The following PAWR variants were observed in gnomAD, a reference collection of about 807,000 sequenced individuals.
PAWR encodes the protein pro-apoptotic WT1 regulator.
In PAWR, 23 loss-of-function variants were observed where a neutral mutation model predicts 32.0. The observed-to-expected ratio is 0.72, with a 90% CI of 0.52 to 1.02. The LOEUF is 1.02. Among genes scored for constraint, PAWR ranks in the 50% least tolerant of loss-of-function variants. The pLI is 0.00. For synonymous variants in PAWR, 226 were observed against 187.1 expected (o/e 1.21, Z -1.70); for missense variants, 457 against 437.7 (o/e 1.04, Z -0.39).
chr12:79,631,953 T>C (rs1271488838), intron 2 of PAWR, among the ~76,000 whole-genome samples: 3 of 151,634 alleles, frequency 2.0e-5, no homozygotes, highest in East Asian at 1.9e-4. Context: ...GGGAACATGA[T>C]GAAACCCCGT....
intron 4 of PAWR, among the ~76,000 whole-genome samples, chr12:79,601,741 G>A (rs917848718): frequency 1.3e-5 from 2 of 152,090 alleles, no homozygotes; most frequent in Non-Finnish European, 2.9e-5. Flanking sequence ...TATTGAATAT[G>A]CTTCATTATT....
intron 2 of PAWR, among the ~76,000 whole-genome samples, chr12:79,639,070 G>A (rs539342767): frequency 1.6e-4 from 24 of 148,994 alleles, no homozygotes; most frequent in Non-Finnish European, 2.8e-4. Flanking sequence ...ATGCCACCAC[G>A]CACAGCTAAT....
intron 4 of PAWR, among the ~76,000 whole-genome samples, chr12:79,611,263 T>C (rs534983573): frequency 1.4e-5 from 2 of 146,626 alleles, no homozygotes; most frequent in Admixed American, 6.8e-5. Flanking sequence ...TATATATTTA[T>C]ATATAATATA....
intron 3 of PAWR, among the ~76,000 whole-genome samples, chr12:79,613,980 T>TATATATATATA (rs1874600875): frequency 5.0e-3 from 15 of 2,982 alleles, no homozygotes; most frequent in Non-Finnish European, 0.01. Flanking sequence ...TATATATATA[T>TATATATATATA]TTTTTTTTTT....
intron 2 of PAWR, 62 bp from the exon 3 acceptor site, chr12:79,621,269 T>C (rs1875000575): frequency 5.8e-6 from 7 of 1,206,802 alleles, no homozygotes; most frequent in East Asian, 2.4e-5. Flanking sequence ...CGATAATATG[T>C]GAAAATATAT....
intron 4 of PAWR, among the ~76,000 whole-genome samples, chr12:79,598,215 G>C (rs972790581): frequency 3.3e-5 from 5 of 152,200 alleles, no homozygotes; most frequent in African/African-American, 1.2e-4. Context: ...GCAAACATCA[G>C]GAGGTAGGGT....
chr12:79,614,312 A>ATAGTCTT (rs148386109), intron 3 of PAWR, among the ~76,000 whole-genome samples: 2,846 of 151,832 alleles, frequency 0.019, 102 homozygotes, highest in African/African-American at 0.065. Context: ...GCCCGGCCTT[A>ATAGTCTT]TAGTCTTTAT....
chr12:79,593,576 C>T (rs533090827), intron 6 of PAWR, among the ~76,000 whole-genome samples: 179 of 151,636 alleles, frequency 1.2e-3, no homozygotes, highest in African/African-American at 4.1e-3. Flanking sequence ...ATTTGAATCA[C>T]TTGAACCCGG....
At chr12:79,689,409 A>G (rs910421567) in intron 2 of PAWR, among the ~76,000 whole-genome samples, 2 of 152,004 alleles carry the variant, frequency 1.3e-5, no homozygotes, top group Non-Finnish European at 2.9e-5. Context: ...AGCCAAGTCC[A>G]GGTGGCCAAG....
At position 79,690,175 on chromosome 12, in the gene PAWR, T is replaced by G; in HGVS notation, c.70A>C (p.Lys24Gln). Residue 24 changes from lysine (K) to glutamine (Q), a missense_variant, in exon 2 of 7, where the codon AAG (lysine) becomes CAG (glutamine). Physicochemically the swap from Lys to Gln is moderately conservative, Grantham distance 53. Transcript: ENST00000328827. ...GSTTDFLEEWKAKREKMRAKQ... is the reference protein window; with the variant it reads ...GSTTDFLEEWQAKREKMRAKQ... ...GCGCGCATCTTCTCGCGTTTCGCCT[T>G]CCACTCCTCCAGGAAGTCTGTGGTG... is the stretch of plus-strand genomic sequence containing the variant. 1 of 1,531,570 alleles carries G rather than the reference T, an allele frequency of 6.5e-7. No homozygotes were observed. The highest frequency in any genetic ancestry group is 2.6e-5 in the East Asian group (1 of 38,358). 94.9% of individuals were successfully genotyped at this position (1,531,570 alleles called of 1,614,324 possible). A position where few individuals can be genotyped will look rare whatever the true frequency, so the allele number is the denominator to read the frequency against.
chr12:79,680,960 A>T (rs1218900205), intron 2 of PAWR, among the ~76,000 whole-genome samples: 1 of 151,760 alleles, frequency 6.6e-6, no homozygotes, highest in African/African-American at 2.4e-5. Context: ...CAAACAAATT[A>T]AAAAATTAGC....
chr12:79,602,798 G>T (rs543517114), intron 4 of PAWR, among the ~76,000 whole-genome samples: 1 of 143,756 alleles, frequency 7.0e-6, no homozygotes, highest in Non-Finnish European at 1.5e-5. Flanking sequence ...TTGTAGAGAC[G>T]TGTCACTATG....
intron 2 of PAWR, among the ~76,000 whole-genome samples, chr12:79,631,881 C>A (rs927821724): frequency 6.6e-6 from 1 of 152,008 alleles, no homozygotes; most frequent in Non-Finnish European, 1.5e-5. Flanking sequence ...CACCTGTAAT[C>A]CTAGCACTTT....
At chr12:79,686,442 A>G (rs74693285) in intron 2 of PAWR, among the ~76,000 whole-genome samples, 74 of 152,282 alleles carry the variant, frequency 4.9e-4, no homozygotes, top group Non-Finnish European at 8.5e-4. Context: ...GCAGTCCAAC[A>G]GTTGTTATCA....
At chr12:79,621,766 G>A (rs924207161) in intron 2 of PAWR, among the ~76,000 whole-genome samples, 2 of 152,066 alleles carry the variant, frequency 1.3e-5, no homozygotes, top group African/African-American at 4.8e-5. Flanking sequence ...TATAAAAAAA[G>A]AGAATTACAC....
chr12:79,665,869 T>G (rs1465738184), intron 2 of PAWR, among the ~76,000 whole-genome samples: 3 of 152,184 alleles, frequency 2.0e-5, no homozygotes, highest in African/African-American at 7.2e-5. Context: ...AGAGCCTGAT[T>G]TTTCTCTTCC....
intron 2 of PAWR, among the ~76,000 whole-genome samples, chr12:79,639,191 C>T (rs1422382321): frequency 6.6e-6 from 1 of 151,534 alleles, no homozygotes; most frequent in Non-Finnish European, 1.5e-5. Flanking sequence ...ATAGGTGTGA[C>T]AGGCGTGAGC....
Position 79,596,501 on chromosome 12 carries a change from TA to T in PAWR, c.831+9del. 1 of 1,414,280 alleles carries T rather than the reference TA, an allele frequency of 7.1e-7. No homozygotes were observed. The highest frequency in any genetic ancestry group is 9.8e-7 in the Non-Finnish European group (1 of 1,024,200). 87.6% of individuals were successfully genotyped at this position (1,414,280 alleles called of 1,614,324 possible). A position where few individuals can be genotyped will look rare whatever the true frequency, so the allele number is the denominator to read the frequency against. ...AATTTTATCAATCTTAAATAACTTA[TA>T]ATCCATACCTTTTCAAGATCTTCAA... On this transcript the variant is annotated intron_variant, in intron 5 of 6. Coordinates refer to ENST00000328827, the MANE Select transcript of PAWR (RefSeq NM_002583.4).
At chr12:79,628,748 A>G (rs923494626) in intron 2 of PAWR, among the ~76,000 whole-genome samples, 2 of 152,148 alleles carry the variant, frequency 1.3e-5, no homozygotes, top group African/African-American at 4.8e-5. Flanking sequence ...TAAATATAAG[A>G]AACTGTTATT....
Sources: allele counts gnomAD v4.1 joint callset (sites outside exome capture counted in the v4.1 genomes callset), GRCh38; gene constraint gnomAD v4.1.1; transcripts MANE v1.5; gene names NCBI Gene and HGNC (gene_info 2026-07-23, HGNC 2026-07-21).